WFDC3: variants seen among roughly 807,000 people sequenced by gnomAD.
The protein encoded by WFDC3 is WAP four-disulfide core domain 3.
Under a neutral mutation model 25.8 loss-of-function variants are expected in WFDC3, and 15 were observed. The observed-to-expected ratio is 0.58, with a 90% CI of 0.39 to 0.89. The LOEUF is 0.89. Among genes scored for constraint, WFDC3 ranks in the 40% least tolerant of loss-of-function variants. WFDC3 has a pLI of 0.00. For missense variants in WFDC3, 264 were observed against 289.8 expected (o/e 0.91, Z 0.65); for synonymous variants, 103 against 107.1 (o/e 0.96, Z 0.24).
chr20:45,787,121 A>G (rs1980706048), intron 4 of WFDC3, among the ~76,000 whole-genome samples: 1 of 146,338 alleles, frequency 6.8e-6, no homozygotes. Flanking sequence ...AAAAAAAAGA[A>G]TCTCGGGAGC....
At chr20:45,776,278 C>CTCTGTGTGTGTGTGTA (rs1555812707) in intron 5 of WFDC3, among the ~76,000 whole-genome samples, 1 of 101,952 alleles carries the variant, frequency 9.8e-6, no homozygotes, top group Non-Finnish European at 2.1e-5. Flanking sequence ...GCTTTTATCT[C>CTCTGTGTGTGTGTGTA]TGTGTGTGTG....
chr20:45,791,802 C>G, intron 1 of WFDC3, 30 bp downstream of exon 1: 1 of 391,790 alleles, frequency 2.6e-6, no homozygotes, highest in Admixed American at 4.5e-5. Flanking sequence ...GCAGCCCTCC[C>G]GAGAGGAAGC....
At chr20:45,788,908 T>G in intron 3 of WFDC3, 23 bp downstream of exon 3, 1 of 1,595,938 alleles carries the variant, frequency 6.3e-7, no homozygotes, top group Non-Finnish European at 8.5e-7. Context: ...TATGCCCAGA[T>G]TTTGCCCCTC....
chr20:45,783,884 T>C (rs1295878405), intron 4 of WFDC3, among the ~76,000 whole-genome samples: 1 of 152,136 alleles, frequency 6.6e-6, no homozygotes, highest in Non-Finnish European at 1.5e-5. Context: ...GGGCTGGAGC[T>C]ATACAAAAGT....
In WFDC3 at chr20:45,789,989, G is replaced by A. The variant is rs771551090; in HGVS notation, c.-7-7C>T. 8 of 1,612,564 alleles carry A rather than the reference G, an allele frequency of 5.0e-6. No individual in the cohort carries two copies. In the East Asian group the frequency reaches 1.8e-4, roughly 36 times the overall value. On this transcript the variant is annotated splice_region_variant and splice_polypyrimidine_tract_variant and intron_variant, in intron 1 of 6. Coordinates refer to ENST00000243938, the MANE Select transcript of WFDC3 (RefSeq NM_080614.2). ...GCTTAACATCATGATGATGCTGAGA[G>A]TTGGGACAAGAGCTCAGTTCAGGCT...
intron 4 of WFDC3, among the ~76,000 whole-genome samples, chr20:45,781,941 T>C (rs1305933340): frequency 3.3e-5 from 5 of 152,224 alleles, no homozygotes; most frequent in African/African-American, 9.6e-5. Context: ...AACTCTTTTC[T>C]GTACAACCTG....
intron 4 of WFDC3, among the ~76,000 whole-genome samples, chr20:45,778,048 A>T (rs2145682653): frequency 6.6e-6 from 1 of 152,216 alleles, no homozygotes; most frequent in Non-Finnish European, 1.5e-5. Flanking sequence ...TGACCATCTG[A>T]CTTGCTTTGA....
In WFDC3 at chr20:45,774,215, A is replaced by C. The variant is rs1980029282; in HGVS notation, c.*213T>G. ...CCTCAAATAGCACAAACAAGAGGTCAGCACCAGCCTTTATCGGGAAAGAGA... is the reference window on the plus strand; with the variant it reads ...CCTCAAATAGCACAAACAAGAGGTCCGCACCAGCCTTTATCGGGAAAGAGA... On this transcript the variant is annotated 3_prime_UTR_variant, in exon 7 of 7. Coordinates refer to ENST00000243938, the MANE Select transcript of WFDC3 (RefSeq NM_080614.2). 1 of 631,358 alleles carries C rather than the reference A, an allele frequency of 1.6e-6. No homozygotes were observed. The highest frequency in any genetic ancestry group is 2.8e-6 in the Non-Finnish European group (1 of 358,418). The allele number at this position is 631,358 out of a possible 1,614,324, so 39.1% of individuals were successfully genotyped here.
intron 1 of WFDC3, among the ~76,000 whole-genome samples, chr20:45,790,556 C>T (rs1388295418): frequency 6.6e-6 from 1 of 152,154 alleles, no homozygotes; most frequent in Admixed American, 6.5e-5. Flanking sequence ...GAAACCCTGT[C>T]TCTACTAAAA....
intron 4 of WFDC3, among the ~76,000 whole-genome samples, chr20:45,779,387 T>C (rs1980338673): frequency 6.6e-6 from 1 of 152,170 alleles, no homozygotes; most frequent in African/African-American, 2.4e-5. Context: ...AAAGCAAGTA[T>C]TGGAATCCAA....
At chr20:45,777,583 A>G (rs1353190487) in intron 4 of WFDC3, among the ~76,000 whole-genome samples, 5 of 152,268 alleles carry the variant, frequency 3.3e-5, no homozygotes, top group South Asian at 2.1e-4. Context: ...CAGTGGCACA[A>G]TCATAGCTCA....
At chr20:45,783,795 A>G (rs769979629) in intron 4 of WFDC3, among the ~76,000 whole-genome samples, 17 of 152,302 alleles carry the variant, frequency 1.1e-4, no homozygotes, top group Middle Eastern at 3.4e-3. Context: ...GAAATTTTTC[A>G]TAGCCCTGGA....
intron 4 of WFDC3, among the ~76,000 whole-genome samples, chr20:45,779,266 G>A (rs147445647): frequency 0.028 from 4,325 of 152,312 alleles, 84 homozygotes; most frequent in Middle Eastern, 0.095. Context: ...AAGGTGACAG[G>A]CAATTAAAGA....
rs954754308 is a variant in WFDC3, at chr20:45,786,355, C to T, written c.358+1481G>A. On this transcript the variant is annotated intron_variant, in intron 4 of 6. Coordinates refer to ENST00000243938, the MANE Select transcript of WFDC3 (RefSeq NM_080614.2). ...GTTGTAGTGAAACAAGATCGTGCCA[C>T]TGCACTCCAGCCTGAGCAACAGAGC... 5.9e-5 allele frequency among the ~76,000 whole-genome samples: 9 copies of T among 152,222 alleles called. 1 individual carries two copies. Among genetic ancestry groups the T allele is most frequent in the African/African-American group, 2.2e-4 (9 of 41,450 alleles).
intron 3 of WFDC3, 48 bp downstream of exon 3, chr20:45,788,883 G>A (rs1416656849): frequency 1.3e-6 from 2 of 1,567,884 alleles, no homozygotes; most frequent in East Asian, 2.3e-5. Context: ...CTATCCCAGA[G>A]GCAATGTCAG....
intron 4 of WFDC3, chr20:45,778,791 C>A (rs1157969347): frequency 2.6e-5 from 4 of 151,502 alleles, no homozygotes; most frequent in Non-Finnish European, 5.9e-5. Flanking sequence ...CAAGCATTGC[C>A]ACCTACTTTG....
At chr20:45,784,771 G>C (rs6032532) in intron 4 of WFDC3, among the ~76,000 whole-genome samples, 99,001 of 152,114 alleles carry the variant, frequency 0.65, 32,425 homozygotes, top group Admixed American at 0.72. Flanking sequence ...TCTGACCCAG[G>C]CCACTTAGGA....
At position 45,788,129 on chromosome 20, in the gene WFDC3, C is replaced by T. The variant is rs1310318369; in HGVS notation, c.212-147G>A. 2.6e-5 allele frequency: 19 copies of T among 742,306 alleles called. 1 individual carries two copies. The African/African-American group carries it at 3.5e-4, about 14-fold the overall frequency. The allele number at this position is 742,306 out of a possible 1,614,324, so 46.0% of individuals were successfully genotyped here. Reference sequence around the variant, plus strand: ...GAACAGCCTGGCCAACATGGAGAAACCCCATCTCTACTAAAAATACAAAAT... The same window carrying T: ...GAACAGCCTGGCCAACATGGAGAAATCCCATCTCTACTAAAAATACAAAAT... On this transcript the variant is annotated intron_variant, in intron 3 of 6. Transcript: ENST00000243938.
intron 2 of WFDC3, 120 bp downstream of exon 2, chr20:45,789,774 A>G (rs924980332): frequency 5.0e-5 from 41 of 827,164 alleles, no homozygotes; most frequent in Non-Finnish European, 8.2e-5. Flanking sequence ...GTCCTGTCCT[A>G]TAGAGATGAT....
Sources: allele counts gnomAD v4.1 joint callset (sites outside exome capture counted in the v4.1 genomes callset), GRCh38; gene constraint gnomAD v4.1.1; transcripts MANE v1.5; gene names NCBI Gene and HGNC (gene_info 2026-07-23, HGNC 2026-07-21).